Variants in MACROD2 observed in about 807,000 individuals in gnomAD.
The protein encoded by MACROD2 is ADP-ribose glycohydrolase MACROD2.
MACROD2 carries 36 observed loss-of-function variants against 70.4 expected under a neutral mutation model. The observed-to-expected ratio is 0.51, with a 90% CI of 0.39 to 0.68. The LOEUF (loss-of-function observed/expected upper bound fraction) is 0.68. MACROD2 is among the 30% of genes least tolerant of loss of function. The pLI is 0.00. For synonymous variants in MACROD2, 172 were observed against 178.8 expected, an observed-to-expected ratio of 0.96 and a Z score of 0.30; for missense variants, 496 against 538.4, an observed-to-expected ratio of 0.92 and a Z score of 0.78.
At chr20:14,106,972 C>A (rs1030263033) in intron 3 of MACROD2, among the ~76,000 whole-genome samples, 2 of 152,118 alleles carry the variant, frequency 1.3e-5, no homozygotes, top group African/African-American at 4.8e-5. Context: ...ATACCTAATT[C>A]TTTAGTGCCC....
intron 8 of MACROD2, among the ~76,000 whole-genome samples, chr20:15,550,098 T>C (rs2048075735): frequency 6.6e-6 from 1 of 152,044 alleles, no homozygotes; most frequent in Non-Finnish European, 1.5e-5. Flanking sequence ...AGAGTATCTT[T>C]ATTAATACAG....
intron 3 of MACROD2, among the ~76,000 whole-genome samples, chr20:14,168,299 C>G (rs1243001022): frequency 6.6e-6 from 1 of 152,082 alleles, no homozygotes; most frequent in African/African-American, 2.4e-5. Context: ...ATTGTCAATT[C>G]AAAGATACCT....
At chr20:15,330,430 T>C (rs1400430156) in intron 6 of MACROD2, among the ~76,000 whole-genome samples, 1 of 151,190 alleles carries the variant, frequency 6.6e-6, no homozygotes, top group African/African-American at 2.5e-5. Context: ...TGAAAACGGA[T>C]GGAAAATGCA....
intron 3 of MACROD2, among the ~76,000 whole-genome samples, chr20:14,133,179 G>A (rs1189665095): frequency 2.0e-5 from 3 of 152,164 alleles, no homozygotes; most frequent in African/African-American, 4.8e-5. Context: ...TTGCCCAAAT[G>A]TCTGGGCACC....
intron 4 of MACROD2, among the ~76,000 whole-genome samples, chr20:14,501,627 T>C (rs982010866): frequency 6.6e-6 from 1 of 152,172 alleles, no homozygotes; most frequent in Non-Finnish European, 1.5e-5. Flanking sequence ...TTTATATTTG[T>C]ATGTTTCATA....
intron 6 of MACROD2, among the ~76,000 whole-genome samples, chr20:15,239,294 T>A (rs2077040587): frequency 1.4e-5 from 2 of 146,296 alleles, no homozygotes; most frequent in Admixed American, 7.0e-5. Flanking sequence ...CAATAAAAAA[T>A]TTAAAATAAA....
chr20:14,745,025 G>C (rs768297473), intron 5 of MACROD2, among the ~76,000 whole-genome samples: 45 of 152,260 alleles, frequency 3.0e-4, no homozygotes, highest in Admixed American at 1.4e-3. Flanking sequence ...AGACATGACT[G>C]TTCCTCCAGC....
intron 5 of MACROD2, among the ~76,000 whole-genome samples, chr20:14,836,154 G>A (rs568886489): frequency 1.4e-4 from 22 of 151,954 alleles, no homozygotes; most frequent in African/African-American, 4.6e-4. Flanking sequence ...TGAGGGGTCC[G>A]TACTCAAAAA....
At chr20:15,282,865 T>C (rs777653813) in intron 6 of MACROD2, among the ~76,000 whole-genome samples, 11 of 152,176 alleles carry the variant, frequency 7.2e-5, no homozygotes, top group Non-Finnish European at 1.5e-4. Flanking sequence ...CAGTCCTTTC[T>C]TATGCCGCTA....
At chr20:15,135,928 A>G (rs1448134890) in intron 5 of MACROD2, among the ~76,000 whole-genome samples, 3 of 152,028 alleles carry the variant, frequency 2.0e-5, no homozygotes, top group Non-Finnish European at 4.4e-5. Context: ...AAAACAGACA[A>G]ACAGCCAAAT....
At chr20:15,395,429 T>A (rs1339621217) in intron 6 of MACROD2, among the ~76,000 whole-genome samples, 1 of 152,208 alleles carries the variant, frequency 6.6e-6, no homozygotes, top group African/African-American at 2.4e-5. Flanking sequence ...AATTCATTCA[T>A]TTACTTATTT....
At chr20:15,879,443 T>C (rs2064721985) in intron 9 of MACROD2, among the ~76,000 whole-genome samples, 1 of 152,154 alleles carries the variant, frequency 6.6e-6, no homozygotes, top group South Asian at 2.1e-4. Flanking sequence ...CTAAAGTAGA[T>C]TTCATTAATA....
At chr20:14,660,363 T>A (rs914121891) in intron 4 of MACROD2, among the ~76,000 whole-genome samples, 4 of 152,214 alleles carry the variant, frequency 2.6e-5, no homozygotes, top group African/African-American at 9.6e-5. Flanking sequence ...GCTTCTCACA[T>A]ACATGTTAAT....
At chr20:15,297,861 G>A (rs2077605657) in intron 6 of MACROD2, among the ~76,000 whole-genome samples, 2 of 152,174 alleles carry the variant, frequency 1.3e-5, no homozygotes, top group Non-Finnish European at 2.9e-5. Context: ...CTCAATCACA[G>A]TGTGAAATGT....
chr20:15,708,595 C>G (rs960739821), intron 8 of MACROD2, among the ~76,000 whole-genome samples: 3 of 152,174 alleles, frequency 2.0e-5, no homozygotes, highest in Non-Finnish European at 4.4e-5. Context: ...TCGACTTGAG[C>G]CCAGCATGCT....
chr20:15,152,377 T>A (rs1024336514), intron 5 of MACROD2, among the ~76,000 whole-genome samples: 2 of 150,364 alleles, frequency 1.3e-5, no homozygotes, highest in Non-Finnish European at 3.0e-5. Context: ...GAGGTGGGGG[T>A]TCTTGCCCTC....
chr20:14,631,522 G>GC, intron 4 of MACROD2, among the ~76,000 whole-genome samples: 1 of 152,298 alleles, frequency 6.6e-6, no homozygotes, highest in East Asian at 1.9e-4. Context: ...TGTAATCCCA[G>GC]CACTTTGGGA....
At chr20:15,755,148 C>T (rs557589812) in intron 8 of MACROD2, among the ~76,000 whole-genome samples, 7 of 152,236 alleles carry the variant, frequency 4.6e-5, no homozygotes, top group East Asian at 3.9e-4. Flanking sequence ...CATGAGCCAC[C>T]GCACACAGCC....
chr20:14,152,059 G>C, intron 3 of MACROD2, among the ~76,000 whole-genome samples: 1 of 151,678 alleles, frequency 6.6e-6, no homozygotes, highest in East Asian at 1.9e-4. Flanking sequence ...CTGACCTCAT[G>C]ATCTGCCCGC....
Sources: gnomAD v4.1 joint callset for allele counts (sites outside exome capture counted in the v4.1 genomes callset) on GRCh38, gnomAD v4.1.1 for gene constraint, MANE v1.5 for transcripts, NCBI Gene and HGNC (gene_info 2026-07-23, HGNC 2026-07-21) for gene names.